The following ZNF423 variants were observed in gnomAD, a reference collection of about 807,000 sequenced individuals.
ZNF423 encodes Ebf-associated zinc finger protein.
A neutral mutation model predicts 95.8 loss-of-function variants in ZNF423; 12 were observed. The ratio of observed to expected loss-of-function variants is 0.13; its 90% CI spans 0.08 to 0.20. ZNF423 has a LOEUF of 0.20. Among genes scored for constraint, ZNF423 ranks in the 10% least tolerant of loss-of-function variants. ZNF423 has a pLI of 1.00. For missense variants in ZNF423, 1,316 were observed against 1,737.1 expected (o/e 0.76, Z 4.31); for synonymous variants, 749 against 711.9 (o/e 1.05, Z -0.83).
At chr16:49,509,501 C>T (rs1448088928) in intron 7 of ZNF423, among the ~76,000 whole-genome samples, 4 of 152,178 alleles carry the variant, frequency 2.6e-5, no homozygotes, top group Admixed American at 6.5e-5. Flanking sequence ...TGAGTATTGG[C>T]GCACGGCTGC....
chr16:49,601,221 G>A (rs1004867), intron 5 of ZNF423, among the ~76,000 whole-genome samples: 28,695 of 152,082 alleles, frequency 0.19, 3,459 homozygotes, highest in East Asian at 0.42. Context: ...TGAGGCACAC[G>A]GGTTCCACAG....
At chr16:49,719,346 G>A (rs976006813) in intron 3 of ZNF423, among the ~76,000 whole-genome samples, 1 of 152,162 alleles carries the variant, frequency 6.6e-6, no homozygotes, top group South Asian at 2.1e-4. Flanking sequence ...ATACACTGGG[G>A]GAAAAAACTT....
At chr16:49,674,879 T>C (rs2030980197) in intron 3 of ZNF423, among the ~76,000 whole-genome samples, 3 of 152,008 alleles carry the variant, frequency 2.0e-5, no homozygotes, top group African/African-American at 7.2e-5. Context: ...GCCCTTCCCC[T>C]CCAATCATGA....
chr16:49,495,902 G>A (rs958326275), intron 7 of ZNF423, among the ~76,000 whole-genome samples: 9 of 152,210 alleles, frequency 5.9e-5, no homozygotes, highest in African/African-American at 2.2e-4. Flanking sequence ...GACCCTGCCT[G>A]GTCTCCCTTT....
At chr16:49,649,448 C>G (rs1176126096) in intron 3 of ZNF423, among the ~76,000 whole-genome samples, 1 of 152,256 alleles carries the variant, frequency 6.6e-6, no homozygotes, top group Non-Finnish European at 1.5e-5. Flanking sequence ...CAGCTCTCTA[C>G]TATCTCCTAG....
At chr16:49,807,900 A>T (rs1242669868) in intron 1 of ZNF423, among the ~76,000 whole-genome samples, 1 of 151,392 alleles carries the variant, frequency 6.6e-6, no homozygotes, top group Non-Finnish European at 1.5e-5. Flanking sequence ...TCCCCAGACA[A>T]CTCCTGCCAG....
chr16:49,571,635 CAG>C (rs1970359309), intron 5 of ZNF423, among the ~76,000 whole-genome samples: 1 of 152,140 alleles, frequency 6.6e-6, no homozygotes, highest in East Asian at 1.9e-4. Flanking sequence ...AGGCTCCAGA[CAG>C]GGAGACACAT....
intron 3 of ZNF423, among the ~76,000 whole-genome samples, chr16:49,670,684 C>A (rs565367311): frequency 2.0e-5 from 3 of 152,198 alleles, no homozygotes; most frequent in Admixed American, 2.0e-4. Context: ...GCTCCCCCTG[C>A]CCCATAAGCT....
At chr16:49,678,776 T>C (rs1364509961) in intron 3 of ZNF423, among the ~76,000 whole-genome samples, 1 of 152,252 alleles carries the variant, frequency 6.6e-6, no homozygotes, top group East Asian at 1.9e-4. Context: ...AGGTTAGCTG[T>C]TGTGCCCTGG....
intron 5 of ZNF423, among the ~76,000 whole-genome samples, chr16:49,543,634 C>A (rs535789376): frequency 2.0e-5 from 3 of 152,274 alleles, no homozygotes; most frequent in Middle Eastern, 3.4e-3. Context: ...AGGAATGGGG[C>A]GCCTGGCGGG....
chr16:49,741,929 G>T (rs1043330764), intron 2 of ZNF423, among the ~76,000 whole-genome samples: 1 of 152,196 alleles, frequency 6.6e-6, no homozygotes, highest in African/African-American at 2.4e-5. Flanking sequence ...CACTTTCCAG[G>T]TGACCTCACT....
chr16:49,574,370 C>A (rs1970435740), intron 5 of ZNF423, among the ~76,000 whole-genome samples: 1 of 152,230 alleles, frequency 6.6e-6, no homozygotes, highest in South Asian at 2.1e-4. Context: ...AGAGCAAGAT[C>A]CTGTCTCTAA....
intron 3 of ZNF423, among the ~76,000 whole-genome samples, chr16:49,719,679 A>G (rs1371448877): frequency 1.3e-5 from 2 of 152,032 alleles, no homozygotes; most frequent in Admixed American, 6.6e-5. Flanking sequence ...CTCCTGATTC[A>G]CCATGCTATG....
rs1374294488 is a variant in ZNF423 at position 49,855,394 on chromosome 16, G to A, written c.40+341C>T. Among the ~76,000 whole-genome samples, 2 of 149,324 alleles carry A rather than the reference G, an allele frequency of 1.3e-5. No homozygotes were observed. The highest frequency in any genetic ancestry group is 2.5e-5 in the African/African-American group (1 of 40,454). On this transcript the variant is annotated intron_variant, in intron 1 of 7. Coordinates refer to ENST00000563137, the MANE Select transcript of ZNF423 (RefSeq NM_001379286.1). The surrounding 1 kb of genome is among the most constrained non-coding windows in gnomAD (Gnocchi z 4.7). ...CCAGCACCCCTTGATTGGCCACACG[G>A]GCCCGGGCCCCGCACGGAGGGAGCG...
At chr16:49,526,752 G>T (rs957820093) in intron 5 of ZNF423, among the ~76,000 whole-genome samples, 5 of 152,182 alleles carry the variant, frequency 3.3e-5, no homozygotes, top group African/African-American at 1.2e-4. Context: ...AGTTTCCTCT[G>T]TCTGAAACAC....
At chr16:49,599,237 C>T (rs922960945) in intron 5 of ZNF423, among the ~76,000 whole-genome samples, 8 of 152,172 alleles carry the variant, frequency 5.3e-5, no homozygotes, top group African/African-American at 1.9e-4. Flanking sequence ...GGCAAATTTC[C>T]ATGTTCCAAA....
At chr16:49,738,870 T>C (rs531877249) in intron 2 of ZNF423, among the ~76,000 whole-genome samples, 2 of 152,012 alleles carry the variant, frequency 1.3e-5, no homozygotes, top group African/African-American at 2.4e-5. Context: ...ATTCTAGGCA[T>C]ATCCAGGGGT....
At chr16:49,652,670 C>A (rs1242756655) in intron 3 of ZNF423, among the ~76,000 whole-genome samples, 1 of 152,230 alleles carries the variant, frequency 6.6e-6, no homozygotes, top group Non-Finnish European at 1.5e-5. Flanking sequence ...CTGCTCCACT[C>A]GAGTGAAAGC....
In ZNF423 at chr16:49,636,840, T is replaced by A. The variant is rs749804447; in HGVS notation, c.2336A>T (p.His779Leu). 1.2e-6 allele frequency: 2 copies of A among 1,613,974 alleles called. No individual in the cohort carries two copies. The highest frequency in any genetic ancestry group is 2.7e-5 in the African/African-American group (2 of 74,944). ...CTTGGCCGGGTTGCCCAGGTGGCTG[T>A]GTTTGACGTGCACCTGCAGGTCAGC... ...KEADLQVHVK[H>L]SHLGNPAKAH... The change falls in exon 4 of 8, where the codon CAC becomes CTC. Residue 779 changes from histidine to leucine, a missense_variant. By Grantham distance (99) the His-to-Leu change is moderately conservative. Transcript: ENST00000563137. This position sits in a 1 kb window ranked among gnomAD's most constrained non-coding sequence, Gnocchi z 8.6.
Sources: gnomAD v4.1 joint callset for allele counts (sites outside exome capture counted in the v4.1 genomes callset) on GRCh38, gnomAD v4.1.1 for gene constraint, Gnocchi (gnomAD v3.1) non-coding constraint, MANE v1.5 for transcripts, NCBI Gene and HGNC (gene_info 2026-07-23, HGNC 2026-07-21) for gene names.